Variants in SYT1 observed in about 807,000 individuals in gnomAD.
SYT1 encodes the protein synaptotagmin 1, also known as synaptotagmin-1.
Under a neutral mutation model 44.8 loss-of-function variants are expected in SYT1, and 8 were observed. The observed-to-expected ratio is 0.18, with a 90% CI of 0.10 to 0.32. The LOEUF (loss-of-function observed/expected upper bound fraction) is 0.32, where lower values mean the gene tolerates loss of function less well. Among genes scored for constraint, SYT1 ranks in the 10% least tolerant of loss-of-function variants. The pLI, the probability that SYT1 is intolerant of heterozygous loss-of-function variation, is 1.00. For synonymous variants in SYT1, 154 were observed against 188.8 expected, an observed-to-expected ratio of 0.82 and a Z score of 1.51; for missense variants, 286 against 509.3, an observed-to-expected ratio of 0.56 and a Z score of 4.22.
intron 3 of SYT1, among the ~76,000 whole-genome samples, chr12:79,207,215 A>G (rs1262231393): frequency 6.6e-6 from 1 of 152,010 alleles, no homozygotes; most frequent in African/African-American, 2.4e-5. Flanking sequence ...GCTCTTTCCC[A>G]CCTTTAGAGC....
intron 1 of SYT1, among the ~76,000 whole-genome samples, chr12:78,906,271 G>C (rs1329386015): frequency 2.6e-5 from 4 of 151,996 alleles, no homozygotes; most frequent in Non-Finnish European, 5.9e-5. Context: ...TTTTGTGTAT[G>C]TATTCAAAAA....
chr12:79,313,183 A>G (rs1002407019), intron 8 of SYT1, among the ~76,000 whole-genome samples: 1 of 152,222 alleles, frequency 6.6e-6, no homozygotes, highest in East Asian at 1.9e-4. Flanking sequence ...ATCTACATGC[A>G]ATATTAACTA....
chr12:79,116,160 G>A (rs188867937), intron 3 of SYT1, among the ~76,000 whole-genome samples: 1 of 152,304 alleles, frequency 6.6e-6, no homozygotes, highest in East Asian at 1.9e-4. Context: ...GATTAGTTGA[G>A]ATAATTAATG....
chr12:79,311,400 A>G (rs1880779664), intron 8 of SYT1, among the ~76,000 whole-genome samples: 1 of 146,246 alleles, frequency 6.8e-6, no homozygotes, highest in African/African-American at 2.5e-5. Flanking sequence ...AGAAATAGGA[A>G]CACTTTTACA....
chr12:79,064,975 A>AGAAAGAAGGAAG (rs1555194765), intron 3 of SYT1, among the ~76,000 whole-genome samples: 1 of 149,202 alleles, frequency 6.7e-6, no homozygotes, highest in African/African-American at 2.5e-5. Flanking sequence ...AAAGAAAGAA[A>AGAAAGAAGGAAG]GAAAGAAAGA....
intron 2 of SYT1, among the ~76,000 whole-genome samples, chr12:79,011,047 T>C (rs1227922416): frequency 6.6e-6 from 1 of 152,164 alleles, no homozygotes; most frequent in Non-Finnish European, 1.5e-5. Context: ...GAGAAGTTCT[T>C]ACAGAATTTG....
chr12:79,439,950 G>A (rs978024574), intron 9 of SYT1, among the ~76,000 whole-genome samples: 1 of 152,098 alleles, frequency 6.6e-6, no homozygotes, highest in African/African-American at 2.4e-5. Context: ...TTCTGGCTGG[G>A]CACAATGGCT....
At chr12:78,957,989 T>C (rs959608273) in intron 1 of SYT1, among the ~76,000 whole-genome samples, 6 of 152,198 alleles carry the variant, frequency 3.9e-5, no homozygotes, top group Non-Finnish European at 4.4e-5. Context: ...TCTCTTTTCC[T>C]TTAAATTCTT....
intron 4 of SYT1, among the ~76,000 whole-genome samples, chr12:79,221,830 A>T (rs1436769770): frequency 6.6e-6 from 1 of 152,160 alleles, no homozygotes; most frequent in African/African-American, 2.4e-5. Flanking sequence ...TAAGTAAATG[A>T]CACACCAGGA....
At chr12:79,214,704 A>G (rs1874671569) in intron 3 of SYT1, among the ~76,000 whole-genome samples, 1 of 152,220 alleles carries the variant, frequency 6.6e-6, no homozygotes, top group Non-Finnish European at 1.5e-5. Context: ...CAACTGGACA[A>G]AAATTAAGCA....
In SYT1 at chr12:78,975,380, T is replaced by C. The variant is rs1416030479; in HGVS notation, c.-216-2419T>C. 2.0e-5 allele frequency among the ~76,000 whole-genome samples: 3 copies of C among 152,170 alleles called. No individual in the cohort carries two copies. The South Asian group carries it at 6.2e-4, about 31-fold the overall frequency. On this transcript the variant is annotated intron_variant, in intron 1 of 10. Coordinates refer to ENST00000261205, the MANE Select transcript of SYT1 (RefSeq NM_005639.3). ...TGTTTCTCTCCTTGGCCAGTGTACT[T>C]TCACTGCTTTGCACCCTGCCTGGCA...
chr12:79,069,470 T>A (rs957023601), intron 3 of SYT1, among the ~76,000 whole-genome samples: 1 of 152,022 alleles, frequency 6.6e-6, no homozygotes, highest in Non-Finnish European at 1.5e-5. Flanking sequence ...TGTCTATACA[T>A]GTTTCTATTT....
intron 3 of SYT1, among the ~76,000 whole-genome samples, chr12:79,049,497 AG>A (rs1479864933): frequency 6.6e-6 from 1 of 151,996 alleles, no homozygotes; most frequent in Non-Finnish European, 1.5e-5. Context: ...TGTAATAAAA[AG>A]TATAATTTAT....
At chr12:79,015,532 A>G (rs1271757487) in intron 2 of SYT1, among the ~76,000 whole-genome samples, 2 of 152,190 alleles carry the variant, frequency 1.3e-5, no homozygotes, top group Non-Finnish European at 2.9e-5. Context: ...AAACTAGAAG[A>G]ATCAGAGCCT....
At chr12:78,919,980 C>T (rs1565717574) in intron 1 of SYT1, among the ~76,000 whole-genome samples, 1 of 151,490 alleles carries the variant, frequency 6.6e-6, no homozygotes, top group African/African-American at 2.4e-5. Context: ...CAGCCTCAGA[C>T]ACCATATATT....
intron 9 of SYT1, among the ~76,000 whole-genome samples, chr12:79,387,245 G>A (rs1361454565): frequency 6.6e-6 from 1 of 152,136 alleles, no homozygotes; most frequent in Non-Finnish European, 1.5e-5. Context: ...TGCACTTTCA[G>A]TTGAAGAGAC....
intron 3 of SYT1, among the ~76,000 whole-genome samples, chr12:79,162,690 T>G (rs888749036): frequency 2.0e-5 from 3 of 152,298 alleles, no homozygotes; most frequent in Admixed American, 6.5e-5. Flanking sequence ...TAAAAACCCT[T>G]AGTTATTTTT....
intron 2 of SYT1, chr12:78,995,727 G>A (rs1337429923): frequency 2.6e-5 from 4 of 152,088 alleles, no homozygotes; most frequent in Non-Finnish European, 5.9e-5. Context: ...ATTATGCTGG[G>A]AAAATCTAAT....
intron 2 of SYT1, chr12:79,045,870 A>T (rs900402405): frequency 6.6e-6 from 1 of 152,086 alleles, no homozygotes; most frequent in Non-Finnish European, 1.5e-5. Context: ...CTATTCTCTT[A>T]TTTTTTAATA....
Sources: allele counts gnomAD v4.1 joint callset (sites outside exome capture counted in the v4.1 genomes callset), GRCh38; gene constraint gnomAD v4.1.1; transcripts MANE v1.5; gene names NCBI Gene and HGNC (gene_info 2026-07-23, HGNC 2026-07-21).